The following TJP1 variants were observed in gnomAD, a reference collection of about 807,000 sequenced individuals.
TJP1 encodes tight junction protein ZO-1.
In TJP1, 43 loss-of-function variants were observed where a neutral mutation model predicts 194.2. The ratio of observed to expected loss-of-function variants is 0.22; its 90% confidence interval spans 0.17 to 0.29. TJP1 has a LOEUF of 0.29. TJP1 is among the 10% of genes least tolerant of loss of function. The pLI, the probability that TJP1 is intolerant of heterozygous loss-of-function variation, is 1.00. For missense variants in TJP1, 1,971 were observed against 2,185.7 expected, an observed-to-expected ratio of 0.90 and a Z score of 1.96; for synonymous variants, 801 against 779.0, an observed-to-expected ratio of 1.03 and a Z score of -0.47.
At chr15:29,805,030 A>T (rs1177056644) in intron 1 of TJP1, among the ~76,000 whole-genome samples, 1 of 152,214 alleles carries the variant, frequency 6.6e-6, no homozygotes, top group Non-Finnish European at 1.5e-5. Context: ...ATTCTATCAG[A>T]CTATAATTCC....
At chr15:29,915,787 CAA>C (rs2054164570) in intron 2 of TJP1, among the ~76,000 whole-genome samples, 1 of 113,742 alleles carries the variant, frequency 8.8e-6, no homozygotes, top group Non-Finnish European at 2.1e-5. Context: ...AATTTGAATG[CAA>C]AGTATGTAGC....
At chr15:29,813,254 A>G (rs1352202365) in intron 1 of TJP1, among the ~76,000 whole-genome samples, 2 of 152,134 alleles carry the variant, frequency 1.3e-5, no homozygotes, top group Non-Finnish European at 2.9e-5. Flanking sequence ...ACTAAGACCA[A>G]CTTGATTTTT....
chr15:29,968,704 T>G, exon 1 of TJP1: 2 of 1,193,346 alleles, frequency 1.7e-6, no homozygotes, highest in Non-Finnish European at 2.1e-6. Flanking sequence ...CTGCCGCGGT[T>G]GGAGGGGGTG....
intron 1 of TJP1, among the ~76,000 whole-genome samples, chr15:29,806,951 C>T (rs972618331): frequency 6.6e-6 from 1 of 152,034 alleles, no homozygotes; most frequent in Non-Finnish European, 1.5e-5. Context: ...AGGGATTCAA[C>T]AAACTTCATG....
At chr15:29,908,709 T>C (rs188387750) in intron 2 of TJP1, among the ~76,000 whole-genome samples, 110 of 152,162 alleles carry the variant, frequency 7.2e-4, no homozygotes, top group African/African-American at 2.4e-3. Context: ...TTTGAGAAAA[T>C]AATCTCCTGG....
At chr15:29,737,609 A>T (rs1218523401) in intron 10 of TJP1, among the ~76,000 whole-genome samples, 195 bp from the exon 11 acceptor site, 1 of 152,206 alleles carries the variant, frequency 6.6e-6, no homozygotes, top group Non-Finnish European at 1.5e-5. Context: ...TCTGATTAAC[A>T]GTTTTGGAAT....
intron 26 of TJP1, 83 bp downstream of exon 26, chr15:29,705,445 T>C: frequency 4.3e-6 from 6 of 1,380,872 alleles, no homozygotes; most frequent in Non-Finnish European, 6.0e-6. Flanking sequence ...TGCTGCATTA[T>C]TAGCCAAGCA....
intron 2 of TJP1, among the ~76,000 whole-genome samples, chr15:29,919,210 A>C (rs999038192): frequency 6.6e-6 from 1 of 152,242 alleles, no homozygotes; most frequent in Non-Finnish European, 1.5e-5. Flanking sequence ...ACCTAAGCAA[A>C]TCATGAATCA....
chr15:29,862,829 T>C lies in TJP1; in HGVS notation c.307-62127A>G, dbSNP rs376036551. Among the ~76,000 whole-genome samples the C allele has an allele frequency of 6.6e-3, 1,003 of 151,406 alleles. 10 individuals are homozygous for C. Among genetic ancestry groups the C allele is most frequent in the African/African-American group, 0.023 (932 of 41,334 alleles). ...CGCCTGGCTAATTTTTTTGTATTTT[T>C]AGTAGAGACGGGGTTTCACCGTGTT... On this transcript the variant is annotated intron_variant, in intron 2 of 28. Coordinates refer to the TJP1 transcript ENST00000356107.
rs2050407081 is a variant in TJP1, at chr15:29,821,982, G to A, written c.27+20C>T. On this transcript the variant is annotated intron_variant, in intron 1 of 27. Coordinates refer to ENST00000614355, the MANE Select transcript of TJP1 (RefSeq NM_001330239.4). ...CGACGGTCGGCCCGGTCTGGCCCTGGCGGCCGCGGAGGCGCTCACCTTGGC... is the reference window on the plus strand; with the variant it reads ...CGACGGTCGGCCCGGTCTGGCCCTGACGGCCGCGGAGGCGCTCACCTTGGC... The A allele has an allele frequency of 1.1e-5, 14 of 1,302,140 alleles. No homozygotes were observed. Among genetic ancestry groups the A allele is most frequent in the Non-Finnish European group, 1.4e-5 (14 of 1,025,054 alleles). The allele number at this position is 1,302,140 out of a possible 1,614,324, so 80.7% of individuals were successfully genotyped here.
chr15:29,831,379 A>C (rs1202527328), intron 2 of TJP1, among the ~76,000 whole-genome samples: 5 of 152,218 alleles, frequency 3.3e-5, no homozygotes, highest in African/African-American at 1.2e-4. Flanking sequence ...CTCCCATGTG[A>C]GGCAATTGGA....
rs144468926 is a variant in TJP1 at position 29,757,643 on chromosome 15, T to C, written c.1010+3496A>G. On this transcript the variant is annotated intron_variant, in intron 8 of 27. Coordinates refer to ENST00000614355, the MANE Select transcript of TJP1 (RefSeq NM_001330239.4). ...TATATCTTGTCTGTAGGCAGATTAC[T>C]AAATTTTCAGGAATTAAATTCTCAC... 3.5e-3 allele frequency among the ~76,000 whole-genome samples: 536 copies of C among 152,336 alleles called. 1 individual carries two copies. The highest frequency in any genetic ancestry group is 5.6e-3 in the Admixed American group (86 of 15,304).
chr15:29,819,535 G>A (rs2050179378), intron 1 of TJP1, among the ~76,000 whole-genome samples: 1 of 152,108 alleles, frequency 6.6e-6, no homozygotes, highest in African/African-American at 2.4e-5. Flanking sequence ...GGACCTCCCT[G>A]GTTCCTGAAC....
chr15:29,754,377 G>GGGTAGGAGGAGGGAGAAC (rs2045507837), intron 8 of TJP1, among the ~76,000 whole-genome samples: 1 of 152,126 alleles, frequency 6.6e-6, no homozygotes, highest in East Asian at 1.9e-4. Flanking sequence ...TGAGGGGGGA[G>GGGTAGGAGGAGGGAGAAC]GGTAGGAGGA....
At chr15:29,865,773 C>T (rs189951672) in intron 2 of TJP1, among the ~76,000 whole-genome samples, 12 of 152,196 alleles carry the variant, frequency 7.9e-5, no homozygotes, top group Admixed American at 7.8e-4. Context: ...CCATTAAAAG[C>T]TGGCTGGAGA....
intron 2 of TJP1, among the ~76,000 whole-genome samples, chr15:29,908,877 G>A (rs562226880): frequency 1.3e-5 from 2 of 152,106 alleles, no homozygotes; most frequent in African/African-American, 2.4e-5. Flanking sequence ...AAATTAGGCC[G>A]GGCGCGGTGG....
intron 1 of TJP1, among the ~76,000 whole-genome samples, chr15:29,965,836 C>A (rs2056314211): frequency 6.6e-6 from 1 of 152,148 alleles, no homozygotes; most frequent in Non-Finnish European, 1.5e-5. Flanking sequence ...TAGAGCATAC[C>A]CTTCCCTTTG....
Position 29,700,723 on chromosome 15 carries a change from A to C in TJP1, c.*872T>G. 4.5e-6 allele frequency: 1 copy of C among 220,778 alleles called. No homozygotes were observed. Among genetic ancestry groups the C allele is most frequent in the African/African-American group, 2.3e-5 (1 of 42,668 alleles). 13.7% of individuals were successfully genotyped at this position (220,778 alleles called of 1,614,324 possible). A position where few individuals can be genotyped will look rare whatever the true frequency, so the allele number is the denominator to read the frequency against. ...AGAAAACCACCACTGCCCCTTGTCAAAAAAAAAAAAAAAGAAAAGAAAAGA... is the reference window on the plus strand; with the variant it reads ...AGAAAACCACCACTGCCCCTTGTCACAAAAAAAAAAAAAGAAAAGAAAAGA... On this transcript the variant is annotated 3_prime_UTR_variant, in exon 28 of 28. Coordinates refer to ENST00000614355, the MANE Select transcript of TJP1 (RefSeq NM_001330239.4).
chr15:29,899,676 T>C (rs1409404579), intron 2 of TJP1, among the ~76,000 whole-genome samples: 1 of 152,188 alleles, frequency 6.6e-6, no homozygotes, highest in Admixed American at 6.5e-5. Flanking sequence ...TTAAAGCTAT[T>C]CTACATTAGG....
Sources: gnomAD v4.1 joint callset for allele counts (sites outside exome capture counted in the v4.1 genomes callset) on GRCh38, gnomAD v4.1.1 for gene constraint, MANE v1.5 for transcripts, NCBI Gene and HGNC (gene_info 2026-07-23, HGNC 2026-07-21) for gene names.